Variants in RGS6 observed in about 807,000 individuals in gnomAD.
RGS6 encodes the protein regulator of G-protein signaling 6.
In RGS6, 30 loss-of-function variants were observed where a neutral mutation model predicts 78.5. The ratio of observed to expected loss-of-function variants is 0.38; its 90% CI spans 0.29 to 0.52. The LOEUF (loss-of-function observed/expected upper bound fraction) is 0.52, where lower values mean the gene tolerates loss of function less well. Among genes scored for constraint, RGS6 ranks in the 20% least tolerant of loss-of-function variants. RGS6 has a pLI of 0.85. For missense variants in RGS6, 495 were observed against 609.7 expected (o/e 0.81, Z 1.98); for synonymous variants, 206 against 206.0 (o/e 1.00, Z 0.00).
chr14:72,220,763 T>G (rs993068016), intron 2 of RGS6, among the ~76,000 whole-genome samples: 1 of 152,220 alleles, frequency 6.6e-6, no homozygotes, highest in African/African-American at 2.4e-5. Flanking sequence ...ATATCGTCTT[T>G]TATAGCAACA....
At chr14:72,434,847 C>A (rs1339261975) in intron 3 of RGS6, among the ~76,000 whole-genome samples, 1 of 152,210 alleles carries the variant, frequency 6.6e-6, no homozygotes, top group Admixed American at 6.5e-5. Context: ...TGCTTTTTAA[C>A]CAGCAGCTTC....
intron 2 of RGS6, among the ~76,000 whole-genome samples, chr14:72,029,864 T>TG (rs2090555055): frequency 6.6e-6 from 1 of 152,232 alleles, no homozygotes; most frequent in African/African-American, 2.4e-5. Flanking sequence ...AGGTGAATAC[T>TG]GACTGTCATA....
At chr14:72,137,926 A>T (rs745505214) in intron 2 of RGS6, among the ~76,000 whole-genome samples, 4 of 152,062 alleles carry the variant, frequency 2.6e-5, no homozygotes, top group Non-Finnish European at 5.9e-5. Context: ...TGGGACTGAG[A>T]GTCCCAGCCC....
chr14:71,884,893 C>T, the RGS6 span, among the ~76,000 whole-genome samples: 1 of 152,262 alleles, frequency 6.6e-6, no homozygotes, highest in African/African-American at 2.4e-5. Flanking sequence ...CTTTCGTTCC[C>T]TGTGGTATAA....
chr14:72,439,905 T>A (rs1409934087), intron 3 of RGS6, among the ~76,000 whole-genome samples: 2 of 152,212 alleles, frequency 1.3e-5, no homozygotes, highest in Non-Finnish European at 1.5e-5. Flanking sequence ...CTGTAACTGT[T>A]CCTCCTTGCT....
At chr14:72,555,172 C>T (rs1333315089) in intron 17 of RGS6, among the ~76,000 whole-genome samples, 1 of 152,182 alleles carries the variant, frequency 6.6e-6, no homozygotes, top group Non-Finnish European at 1.5e-5. Flanking sequence ...GAAAGGGAAA[C>T]ATCACACCTG....
At chr14:72,164,722 T>C (rs1014080008) in intron 2 of RGS6, among the ~76,000 whole-genome samples, 4 of 152,170 alleles carry the variant, frequency 2.6e-5, no homozygotes, top group South Asian at 2.1e-4. Flanking sequence ...TTCTCTCTCT[T>C]CCTTCCTTTT....
At chr14:72,064,171 G>A (rs1009977469) in intron 2 of RGS6, among the ~76,000 whole-genome samples, 1 of 152,058 alleles carries the variant, frequency 6.6e-6, no homozygotes, top group Non-Finnish European at 1.5e-5. Flanking sequence ...CAAAGGCCAG[G>A]CTGGAAGAGG....
chr14:72,522,328 C>G (rs770095811), intron 15 of RGS6, among the ~76,000 whole-genome samples: 1 of 152,180 alleles, frequency 6.6e-6, no homozygotes, highest in Non-Finnish European at 1.5e-5. Flanking sequence ...AAAGACCCAC[C>G]TCCAAGTACC....
chr14:72,366,061 C>G (rs1454439805), intron 3 of RGS6, among the ~76,000 whole-genome samples: 1 of 152,134 alleles, frequency 6.6e-6, no homozygotes, highest in Non-Finnish European at 1.5e-5. Flanking sequence ...TGACTGGGAA[C>G]TATAATTTTC....
At chr14:71,989,573 G>T (rs2094868886) in intron 2 of RGS6, among the ~76,000 whole-genome samples, 1 of 152,222 alleles carries the variant, frequency 6.6e-6, no homozygotes. Context: ...CTGAAGCTCA[G>T]GGGTAAAGAG....
At chr14:72,554,410 T>C (rs748405071) in intron 17 of RGS6, among the ~76,000 whole-genome samples, 3 of 152,218 alleles carry the variant, frequency 2.0e-5, no homozygotes, top group Non-Finnish European at 4.4e-5. Context: ...AGCTTCACTG[T>C]CTCCCGTAGT....
intron 13 of RGS6, among the ~76,000 whole-genome samples, chr14:72,507,160 C>G (rs1404589950): frequency 1.3e-5 from 2 of 152,140 alleles, no homozygotes; most frequent in Admixed American, 6.5e-5. Context: ...CAGAGTGAGA[C>G]TCCATCTCAA....
intron 17 of RGS6, chr14:72,553,284 G>C (rs1273228024): frequency 6.6e-6 from 1 of 152,612 alleles, no homozygotes; most frequent in African/African-American, 2.4e-5. Context: ...AAACACAATT[G>C]CCTAGTGCTG....
chr14:72,203,305 G>A (rs2041996306), intron 2 of RGS6, among the ~76,000 whole-genome samples: 1 of 152,180 alleles, frequency 6.6e-6, no homozygotes, highest in South Asian at 2.1e-4. Flanking sequence ...GATGAATTAA[G>A]ACCTCAGACT....
intron 1 of RGS6, among the ~76,000 whole-genome samples, chr14:71,944,064 G>A (rs970891754): frequency 2.0e-5 from 3 of 152,046 alleles, no homozygotes; most frequent in African/African-American, 4.8e-5. Flanking sequence ...GGCTTTGGTC[G>A]GTTTGGCTTT....
chr14:72,069,188 G>C (rs2094307549), intron 2 of RGS6, among the ~76,000 whole-genome samples: 1 of 151,732 alleles, frequency 6.6e-6, no homozygotes, highest in Admixed American at 6.6e-5. Flanking sequence ...GGCCAGGCTG[G>C]TCTTGAACTC....
intron 17 of RGS6, chr14:72,540,796 A>G (rs1029179725): frequency 6.1e-6 from 6 of 985,408 alleles, no homozygotes; most frequent in Non-Finnish European, 7.2e-6. Context: ...CTTGATTCTA[A>G]CAGGCTGGGT....
chr14:72,388,386 A>G (rs1489692263), intron 3 of RGS6, among the ~76,000 whole-genome samples: 4 of 152,212 alleles, frequency 2.6e-5, no homozygotes, highest in African/African-American at 9.6e-5. Flanking sequence ...ATAACATATC[A>G]CTTGTAACCT....
Sources: allele counts gnomAD v4.1 joint callset (sites outside exome capture counted in the v4.1 genomes callset), GRCh38; gene constraint gnomAD v4.1.1; transcripts MANE v1.5; gene names NCBI Gene and HGNC (gene_info 2026-07-23, HGNC 2026-07-21).